The following IKBKB-DT variants were observed in gnomAD, a reference collection of about 807,000 sequenced individuals.
IKBKB-DT encodes the protein IKBKB divergent transcript, also known as IKBKB antisense RNA.
Position 42,236,460 on chromosome 8 carries a change from C to G in IKBKB-DT, n.1530-2601G>C, listed in dbSNP as rs530762827. On this transcript the variant is annotated intron_variant and non_coding_transcript_variant, in intron 3 of 3. Transcript: ENST00000518213. Reference sequence around the variant, plus strand: ...GTCGAAACTGTCAAAACATTTAAAACTCTTGATTAAAATAAATCACAGGGG... The same window carrying G: ...GTCGAAACTGTCAAAACATTTAAAAGTCTTGATTAAAATAAATCACAGGGG... 2.0e-5 allele frequency among the ~76,000 whole-genome samples: 3 copies of G among 152,280 alleles called. No homozygotes were observed. In the East Asian group the frequency reaches 5.8e-4, roughly 29 times the overall value.
At chr8:42,267,728 T>A (rs921478208) in intron 1 of IKBKB-DT, among the ~76,000 whole-genome samples, 2 of 152,192 alleles carry the variant, frequency 1.3e-5, no homozygotes, top group Non-Finnish European at 2.9e-5. Flanking sequence ...AACAGTCTGC[T>A]CATATCTCCA....
At chr8:42,257,787 A>C (rs981042645) in intron 3 of IKBKB-DT, among the ~76,000 whole-genome samples, 1 of 152,102 alleles carries the variant, frequency 6.6e-6, no homozygotes, top group African/African-American at 2.4e-5. Flanking sequence ...AAATTTTCAA[A>C]GGACAATTTT....
rs563375378 is a variant in IKBKB-DT, at chr8:42,254,405, C to T, written n.1529+8924G>A. Among the ~76,000 whole-genome samples, 15 of 152,232 alleles carry T rather than the reference C, an allele frequency of 9.9e-5. 1 individual carries two copies. The highest frequency in any genetic ancestry group is 2.0e-4 in the Admixed American group (3 of 15,282). ...ACTGCCCCATCTGGGAAGTGAGGAG[C>T]GCCTCTGCCCAGCCACCGCCCCGTC... On this transcript the variant is annotated intron_variant and non_coding_transcript_variant, in intron 3 of 3. Coordinates refer to ENST00000518213, the Ensembl canonical transcript of IKBKB-DT.
chr8:42,248,997 T>C (rs1279373530), intron 3 of IKBKB-DT: 1 of 152,240 alleles, frequency 6.6e-6, no homozygotes, highest in Admixed American at 6.5e-5. Flanking sequence ...TCTTTTACAC[T>C]GGTTCATTTG....
intron 1 of IKBKB-DT, among the ~76,000 whole-genome samples, chr8:42,268,630 G>T (rs529199166): frequency 6.7e-6 from 1 of 150,330 alleles, no homozygotes; most frequent in Non-Finnish European, 1.5e-5. Context: ...GCACTGGTGC[G>T]ATCTCCACTC....
intron 3 of IKBKB-DT, among the ~76,000 whole-genome samples, chr8:42,243,158 GGCAGAAATGGGTT>G (rs1445162831): frequency 6.6e-6 from 1 of 152,184 alleles, no homozygotes; most frequent in Non-Finnish European, 1.5e-5. Context: ...GCATTTTCAT[GGCAGAAATGGGTT>G]GTAAAAGTGG....
At chr8:42,262,929 C>T (rs1372103582) in intron 3 of IKBKB-DT, among the ~76,000 whole-genome samples, 1 of 151,934 alleles carries the variant, frequency 6.6e-6, no homozygotes, top group East Asian at 1.9e-4. Flanking sequence ...TTAGTAGAGA[C>T]AGGGTCTTGC....
chr8:42,259,567 A>C (rs966354134), intron 3 of IKBKB-DT, among the ~76,000 whole-genome samples: 2 of 152,218 alleles, frequency 1.3e-5, no homozygotes, highest in African/African-American at 4.8e-5. Context: ...TTTAGTAGAC[A>C]TGTGATAAAC....
chr8:42,268,390 C>A (rs947421589), intron 1 of IKBKB-DT, among the ~76,000 whole-genome samples: 1 of 152,042 alleles, frequency 6.6e-6, no homozygotes, highest in Non-Finnish European at 1.5e-5. Flanking sequence ...CCGCCTTGGC[C>A]TCCCAAAGTG....
chr8:42,235,205 C>CTTTTT (rs746414963), intron 3 of IKBKB-DT, among the ~76,000 whole-genome samples: 59 of 99,384 alleles, frequency 5.9e-4, no homozygotes, highest in African/African-American at 1.5e-3. Flanking sequence ...CTTTTATTTT[C>CTTTTT]TTTTTTTTTT....
chr8:42,265,305 C>T (rs754952491), intron 2 of IKBKB-DT, among the ~76,000 whole-genome samples: 1 of 152,196 alleles, frequency 6.6e-6, no homozygotes, highest in Non-Finnish European at 1.5e-5. Context: ...GCAAAAGGGT[C>T]ATTTTTATTC....
chr8:42,271,184 C>G (rs1055040913), exon 1 of IKBKB-DT: 21 of 609,320 alleles, frequency 3.4e-5, no homozygotes, highest in Non-Finnish European at 5.6e-5. Flanking sequence ...CCACCCCCGC[C>G]CCGGGGGAGT....
chr8:42,245,351 C>G (rs1370902582), intron 3 of IKBKB-DT, among the ~76,000 whole-genome samples: 2 of 152,168 alleles, frequency 1.3e-5, no homozygotes, highest in East Asian at 3.8e-4. Flanking sequence ...CCAATGACAC[C>G]ATGAGTTTAC....
chr8:42,235,437 T>G (rs1488225647), intron 3 of IKBKB-DT, among the ~76,000 whole-genome samples: 1 of 152,124 alleles, frequency 6.6e-6, no homozygotes, highest in East Asian at 1.9e-4. Flanking sequence ...ACTCCTGGCC[T>G]CAAGTGATCT....
chr8:42,244,544 A>G (rs553814107), intron 3 of IKBKB-DT, among the ~76,000 whole-genome samples: 20 of 152,310 alleles, frequency 1.3e-4, no homozygotes, highest in Admixed American at 7.8e-4. Flanking sequence ...TTGAAAAAGC[A>G]ATTGAATTTT....
chr8:42,251,266 C>G (rs1807125558), intron 3 of IKBKB-DT, among the ~76,000 whole-genome samples: 3 of 152,242 alleles, frequency 2.0e-5, no homozygotes, highest in Admixed American at 1.3e-4. Flanking sequence ...GAAAAGCAGA[C>G]ATAGTTATCC....
chr8:42,266,847 T>C (rs1807376938), intron 1 of IKBKB-DT, among the ~76,000 whole-genome samples: 1 of 151,928 alleles, frequency 6.6e-6, no homozygotes. Flanking sequence ...AGTTACCCTA[T>C]TTGGTCTAAA....
chr8:42,251,828 C>CAAAAAAAAAAAAA lies in IKBKB-DT; in HGVS notation n.1529+11488_1529+11500dup, dbSNP rs59420104. On this transcript the variant is annotated intron_variant and non_coding_transcript_variant, in intron 3 of 3. Coordinates refer to ENST00000518213, the Ensembl canonical transcript of IKBKB-DT. ...TAGGCAATAGAGCAAGACTCCATCTCAAAAAAAAAAAAAAAGAAAAGAAAA... is the reference window on the plus strand; with the variant it reads ...TAGGCAATAGAGCAAGACTCCATCTCAAAAAAAAAAAAAAAAAAAAAAAAAAAAGAAAAGAAAA... Among the ~76,000 whole-genome samples the CAAAAAAAAAAAAA allele has an allele frequency of 4.2e-4, 38 of 91,438 alleles. 1 individual carries two copies. The highest frequency in any genetic ancestry group is 1.2e-3 in the African/African-American group (32 of 25,774). 60.0% of individuals were successfully genotyped at this position (91,438 alleles called of 152,430 possible).
At chr8:42,239,741 G>A (rs1170211118) in intron 3 of IKBKB-DT, among the ~76,000 whole-genome samples, 2 of 149,394 alleles carry the variant, frequency 1.3e-5, no homozygotes, top group African/African-American at 4.9e-5. Context: ...TGCCTCACAG[G>A]TTCAAGTGAT....
Sources: gnomAD v4.1 joint callset for allele counts (sites outside exome capture counted in the v4.1 genomes callset) on GRCh38, gnomAD v4.1.1 for gene constraint, MANE v1.5 for transcripts, NCBI Gene and HGNC (gene_info 2026-07-23, HGNC 2026-07-21) for gene names.